The following APP variants were observed in gnomAD, a reference collection of about 807,000 sequenced individuals.
APP encodes the protein amyloid-beta precursor protein.
In APP, 31 loss-of-function variants were observed where a neutral mutation model predicts 101.4. The observed-to-expected ratio is 0.31, with a 90% CI of 0.23 to 0.41. The LOEUF is 0.41. APP is among the 10% of genes least tolerant of loss of function. APP has a pLI of 1.00. For missense variants in APP, 839 were observed against 1,003.7 expected (o/e 0.84, Z 2.22); for synonymous variants, 366 against 364.4 (o/e 1.00, Z -0.05).
intron 13 of APP, among the ~76,000 whole-genome samples, chr21:25,930,325 G>T (rs2040087297): frequency 6.6e-6 from 1 of 152,210 alleles, no homozygotes; most frequent in Non-Finnish European, 1.5e-5. Context: ...AATGAATTGG[G>T]AAACAGTGCC....
At chr21:26,087,848 A>G (rs985007373) in intron 3 of APP, among the ~76,000 whole-genome samples, 1 of 152,226 alleles carries the variant, frequency 6.6e-6, no homozygotes, top group African/African-American at 2.4e-5. Flanking sequence ...AATGGTGCAT[A>G]ATGCAGTGTA....
chr21:26,082,612 C>T (rs1235261936), intron 3 of APP, among the ~76,000 whole-genome samples: 2 of 152,196 alleles, frequency 1.3e-5, no homozygotes. Flanking sequence ...CTAGTTCCTA[C>T]CTTAAAGACT....
At chr21:26,150,716 ATGGTTGTATCCCAATGCT>A (rs1469934972) in intron 1 of APP, among the ~76,000 whole-genome samples, 1 of 152,174 alleles carries the variant, frequency 6.6e-6, no homozygotes, top group African/African-American at 2.4e-5. Context: ...GGCCTCTTTC[ATGGTTGTATCCCAATGCT>A]TGGCATAGTG....
At position 26,082,979 on chromosome 21, in the gene APP, T is replaced by C. The variant is rs536909664; in HGVS notation, c.355+6964A>G. 1.3e-3 allele frequency among the ~76,000 whole-genome samples: 193 copies of C among 152,384 alleles called. 1 individual carries two copies. The highest frequency in any genetic ancestry group is 4.5e-3 in the African/African-American group (188 of 41,590). On this transcript the variant is annotated intron_variant, in intron 3 of 17. Transcript: ENST00000346798. ...AAATTGTTTAAATAGATTTAAATAG[T>C]AATTATTTTAAATGGCCTTAAGTAG... is the stretch of plus-strand genomic sequence containing the variant.
intron 3 of APP, among the ~76,000 whole-genome samples, chr21:26,073,872 T>C (rs189892012): frequency 4.6e-5 from 7 of 152,350 alleles, no homozygotes; most frequent in Admixed American, 3.9e-4. Flanking sequence ...GGGTAACTTC[T>C]TGACATACTG....
intron 1 of APP, among the ~76,000 whole-genome samples, chr21:26,135,368 C>T (rs17588151): frequency 0.015 from 2,281 of 152,312 alleles, 21 homozygotes; most frequent in Middle Eastern, 0.054. Flanking sequence ...TAAAGATAGC[C>T]AAGTTCATAT....
intron 2 of APP, among the ~76,000 whole-genome samples, chr21:26,093,549 T>C (rs1439462324): frequency 6.6e-6 from 1 of 152,192 alleles, no homozygotes; most frequent in African/African-American, 2.4e-5. Flanking sequence ...CAGATTCCTA[T>C]GGTAATAGTT....
At chr21:26,150,777 C>T (rs970398790) in intron 1 of APP, among the ~76,000 whole-genome samples, 9 of 152,146 alleles carry the variant, frequency 5.9e-5, no homozygotes, top group African/African-American at 1.4e-4. Flanking sequence ...AATAAATGAA[C>T]GGATTTCCAT....
At chr21:26,119,135 AAG>A (rs945765718) in intron 1 of APP, among the ~76,000 whole-genome samples, 2 of 152,214 alleles carry the variant, frequency 1.3e-5, no homozygotes, top group Non-Finnish European at 2.9e-5. Flanking sequence ...GAGTCTACTC[AAG>A]AGTGTTATTC....
chr21:26,049,780 AAG>A (rs2045761177), intron 5 of APP, among the ~76,000 whole-genome samples: 1 of 152,196 alleles, frequency 6.6e-6, no homozygotes, highest in Non-Finnish European at 1.5e-5. Context: ...GGCAGGGAAA[AAG>A]AGGATAATGG....
At chr21:26,011,048 C>T (rs1405087943) in intron 6 of APP, among the ~76,000 whole-genome samples, 6 of 151,276 alleles carry the variant, frequency 4.0e-5, no homozygotes, top group South Asian at 2.1e-4. Context: ...CAGTATTGCA[C>T]GGGTATTTCT....
chr21:25,912,685 TCTC>T (rs951203806), intron 13 of APP, among the ~76,000 whole-genome samples: 4 of 152,096 alleles, frequency 2.6e-5, no homozygotes, highest in African/African-American at 9.7e-5. Flanking sequence ...ATCCTGCCTT[TCTC>T]CTCTGTTGCT....
At chr21:25,909,599 TCA>T (rs1294685808) in intron 14 of APP, among the ~76,000 whole-genome samples, 1 of 152,222 alleles carries the variant, frequency 6.6e-6, no homozygotes, top group Non-Finnish European at 1.5e-5. Context: ...GTGTGTACAT[TCA>T]CACGTGTGCA....
intron 1 of APP, among the ~76,000 whole-genome samples, chr21:26,164,337 T>C (rs1242736540): frequency 1.3e-5 from 2 of 152,264 alleles, no homozygotes; most frequent in East Asian, 1.9e-4. Flanking sequence ...TTGGTTTCCC[T>C]GTCCTTGGGT....
intron 16 of APP, among the ~76,000 whole-genome samples, chr21:25,893,636 T>C (rs945247258): frequency 9.2e-5 from 14 of 152,158 alleles, no homozygotes; most frequent in African/African-American, 2.2e-4. Context: ...TTCAATTCTA[T>C]GAAGGATGAG....
At chr21:26,060,148 A>T (rs1168074514) in intron 3 of APP, among the ~76,000 whole-genome samples, 1 of 152,162 alleles carries the variant, frequency 6.6e-6, no homozygotes, top group Non-Finnish European at 1.5e-5. Context: ...AGCAACAGCT[A>T]CTCTTCATCA....
intron 8 of APP, among the ~76,000 whole-genome samples, chr21:25,982,761 A>G (rs2042483503): frequency 6.6e-6 from 1 of 152,228 alleles, no homozygotes; most frequent in Non-Finnish European, 1.5e-5. Flanking sequence ...AAGCATGCAA[A>G]GAGCAAAAAC....
intron 5 of APP, among the ~76,000 whole-genome samples, chr21:26,049,119 G>A (rs904663544): frequency 3.3e-5 from 5 of 152,130 alleles, no homozygotes; most frequent in African/African-American, 1.2e-4. Context: ...AAAACACATA[G>A]TAGAAAGATA....
intron 1 of APP, among the ~76,000 whole-genome samples, chr21:26,170,000 T>G (rs749454753): frequency 2.6e-5 from 4 of 150,992 alleles, no homozygotes; most frequent in Admixed American, 1.3e-4. Flanking sequence ...CGAAAAGAGG[T>G]TGGAGCAAGG....
Sources: gnomAD v4.1 joint callset for allele counts (sites outside exome capture counted in the v4.1 genomes callset) on GRCh38, gnomAD v4.1.1 for gene constraint, MANE v1.5 for transcripts, NCBI Gene and HGNC (gene_info 2026-07-23, HGNC 2026-07-21) for gene names.